The following CWC25 variants were observed in gnomAD, a reference collection of about 807,000 sequenced individuals.
The protein encoded by CWC25 is CWC25 spliceosome associated protein, also known as pre-mRNA-splicing factor CWC25 homolog.
A neutral mutation model predicts 54.6 loss-of-function variants in CWC25; 31 were observed. That is an observed-to-expected ratio of 0.57 (90% CI 0.43 to 0.77). CWC25 has a LOEUF of 0.77. Among genes scored for constraint, CWC25 ranks in the 30% least tolerant of loss-of-function variants. The probability of loss-of-function intolerance (pLI) is 0.00; values close to 1 mark genes in which losing one functional copy is unlikely to be tolerated. For missense variants in CWC25, 453 were observed against 529.3 expected, an observed-to-expected ratio of 0.86 and a Z score of 1.41; for synonymous variants, 151 against 187.0, an observed-to-expected ratio of 0.81 and a Z score of 1.57.
In CWC25 at chr17:38,809,868, TCCGCCTCC is replaced by T. The variant is rs1275968795; in HGVS notation, c.627-111_627-104del. ...TGCTTCTTGCCTCCAATGTGACCTT[TCCGCCTCC>T]CAGCAGTTACCTGGCAGTACGTTTC... On this transcript the variant is annotated intron_variant, in intron 5 of 9. Transcript: ENST00000614790. 4.8e-6 allele frequency: 5 copies of T among 1,050,346 alleles called. No homozygotes were observed. The East Asian group carries it at 1.1e-4, about 22-fold the overall frequency. The allele number at this position is 1,050,346 out of a possible 1,614,324, so 65.1% of individuals were successfully genotyped here.
Position 38,812,484 on chromosome 17 carries a change from G to A in CWC25, c.498+311C>T, listed in dbSNP as rs1199067988. Among the ~76,000 whole-genome samples the A allele has an allele frequency of 3.3e-5, 5 of 152,124 alleles. No individual in the cohort carries two copies. The East Asian group carries it at 5.8e-4, about 18-fold the overall frequency. Reference sequence around the variant, plus strand: ...CTCTACTAAAAATACAAAATTAGCCGGGCGTGGTGGCACATCCCTGTAATC... The same window carrying A: ...CTCTACTAAAAATACAAAATTAGCCAGGCGTGGTGGCACATCCCTGTAATC... On this transcript the variant is annotated intron_variant, in intron 4 of 9. Transcript: ENST00000614790.
chr17:38,806,362 G>A lies in CWC25; in HGVS notation c.936C>T (p.Gly312=), dbSNP rs369726771. 29 of 1,613,534 alleles carry A rather than the reference G, an allele frequency of 1.8e-5. No individual in the cohort carries two copies. The highest frequency in any genetic ancestry group is 3.4e-6 in the Non-Finnish European group (4 of 1,179,820). ...TTTTAGGTGATGGGCTCCTAGTTTGGCCTGTCTCTCTCCTGTTCACCTTAG... is the reference window on the plus strand; with the variant it reads ...TTTTAGGTGATGGGCTCCTAGTTTGACCTGTCTCTCTCCTGTTCACCTTAG... The part of the protein sequence containing the change: ...HNSKVNRRET[G]QTRSPSPKKE... Residue 312 remains glycine (G), a synonymous_variant, in exon 8 of 10, where the codon GGC becomes GGT. Transcript: ENST00000614790.
At chr17:38,802,890 G>T in intron 8 of CWC25, 29 bp from the exon 9 acceptor site, 2 of 1,611,794 alleles carry the variant, frequency 1.2e-6, no homozygotes, top group South Asian at 2.2e-5. Flanking sequence ...ATACGATCAG[G>T]TCTCTTCCAG....
intron 8 of CWC25, among the ~76,000 whole-genome samples, chr17:38,805,463 T>C (rs1165476226): frequency 6.6e-6 from 1 of 152,168 alleles, no homozygotes. Flanking sequence ...TACTAGCTTT[T>C]GTTTTTTTAA....
At chr17:38,824,474 G>A (rs928078671) in intron 1 of CWC25, among the ~76,000 whole-genome samples, 2 of 151,860 alleles carry the variant, frequency 1.3e-5, no homozygotes, top group Non-Finnish European at 2.9e-5. Context: ...ATCACTTGAG[G>A]TCGGCAGATC....
rs1319401500 is a variant in CWC25, at chr17:38,814,923, T to A, written c.366A>T (p.Ser122=). The change falls in exon 3 of 10, where the codon TCA becomes TCT. Residue 122 remains serine (S), a synonymous_variant. Coordinates refer to ENST00000614790, the MANE Select transcript of CWC25 (RefSeq NM_017748.5). ...GLLPGSIFAP[S]GANSLLDMAS... ...CCATGTCAAGAAGGGAATTGGCACC[T>A]GATGGGGCAAAGATAGAGCCTGGGA... The A allele has an allele frequency of 6.2e-7, 1 of 1,613,628 alleles. No individual in the cohort carries two copies. Among genetic ancestry groups the A allele is most frequent in the African/African-American group, 1.3e-5 (1 of 74,802 alleles).
intron 6 of CWC25, among the ~76,000 whole-genome samples, chr17:38,807,228 CAGG>C (rs1911285828): frequency 6.9e-6 from 1 of 143,920 alleles, no homozygotes; most frequent in Admixed American, 7.4e-5. Flanking sequence ...AAGGCTGAGG[CAGG>C]AGAATTGCTT....
rs959734040 is a variant in CWC25 at position 38,802,183 on chromosome 17, G to T, written c.1187C>A (p.Ser396Tyr). ...FIHRMKLESASTSSLEDRVKR... is the reference protein window; with the variant it reads ...FIHRMKLESAYTSSLEDRVKR... ...CACCCGATCCTCCAGGGAGGAAGTA[G>T]ATGCACTCTCCAGCTTCATGCGGCT... Residue 396 changes from serine (S) to tyrosine (Y), a missense_variant, in exon 10 of 10, where the codon TCT (serine) becomes TAT (tyrosine). Ser to Tyr is a moderately radical substitution (Grantham distance 144, BLOSUM62 -2). This residue lies in a region of CWC25 where 444 missense variants were observed against 499.2 expected (regional missense o/e 0.89). Transcript: ENST00000614790. The T allele has an allele frequency of 1.2e-6, 2 of 1,613,476 alleles. No individual in the cohort carries two copies. The highest frequency in any genetic ancestry group is 1.3e-5 in the African/African-American group (1 of 74,934).
chr17:38,804,530 G>A (rs1022169626), intron 8 of CWC25, among the ~76,000 whole-genome samples: 49 of 152,212 alleles, frequency 3.2e-4, no homozygotes, highest in African/African-American at 1.1e-3. Flanking sequence ...ATTAGGGCCA[G>A]GTGCTGTGGC....
chr17:38,806,233 G>T, intron 8 of CWC25, 64 bp downstream of exon 8: 1 of 1,364,412 alleles, frequency 7.3e-7, no homozygotes. Flanking sequence ...CATTTGCCAT[G>T]GTTTGAGCCC....
At chr17:38,805,352 T>C (rs1051818235) in intron 8 of CWC25, among the ~76,000 whole-genome samples, 1 of 152,168 alleles carries the variant, frequency 6.6e-6, no homozygotes, top group Admixed American at 6.6e-5. Context: ...CATATTTGTA[T>C]TTTTAGGAAT....
chr17:38,812,897 T>A (rs916130282), intron 3 of CWC25, 33 bp from the exon 4 acceptor site: 1 of 1,236,238 alleles, frequency 8.1e-7, no homozygotes, highest in East Asian at 2.5e-5. Context: ...TTCATGACTA[T>A]TTCTTTTCTC....
rs1227876518 is a variant in CWC25, at chr17:38,825,247, T to TAG, written c.-66_-65dup. ...ATTTCGGGAGGATCAAGAGAAAACG[T>TAG]AGAGAAATAGTTCGGGGGCTACCTC... On this transcript the variant is annotated 5_prime_UTR_variant, in exon 1 of 10. Coordinates refer to ENST00000614790, the MANE Select transcript of CWC25 (RefSeq NM_017748.5). 1.3e-6 allele frequency: 2 copies of TAG among 1,524,906 alleles called. No homozygotes were observed. The highest frequency in any genetic ancestry group is 1.8e-6 in the Non-Finnish European group (2 of 1,129,084). 94.5% of individuals were successfully genotyped at this position (1,524,906 alleles called of 1,614,324 possible). A position where few individuals can be genotyped will look rare whatever the true frequency, so the allele number is the denominator to read the frequency against.
intron 6 of CWC25, 21 bp from the exon 7 acceptor site, chr17:38,806,997 G>T (rs764426434): frequency 5.0e-6 from 8 of 1,587,834 alleles, no homozygotes; most frequent in African/African-American, 1.4e-5. Context: ...AAGGAAAAGA[G>T]AAGTTATTCA....
chr17:38,812,643 A>G (rs1045066897), intron 4 of CWC25, among the ~76,000 whole-genome samples, 152 bp downstream of exon 4: 2 of 152,008 alleles, frequency 1.3e-5, no homozygotes, highest in African/African-American at 4.8e-5. Context: ...CAAAAAAATG[A>G]TTACATAAAA....
At chr17:38,804,772 C>T (rs542794111) in intron 8 of CWC25, among the ~76,000 whole-genome samples, 13 of 134,150 alleles carry the variant, frequency 9.7e-5, no homozygotes, top group South Asian at 2.4e-4. Flanking sequence ...CGTGCCACTG[C>T]GCTGCAGCCT....
In CWC25 at chr17:38,825,227, G is replaced by A; in HGVS notation, c.-44C>T. 2 of 1,574,642 alleles carry A rather than the reference G, an allele frequency of 1.3e-6. No homozygotes were observed. Among genetic ancestry groups the A allele is most frequent in the Admixed American group, 1.9e-5 (1 of 53,046 alleles). On this transcript the variant is annotated 5_prime_UTR_variant, in exon 1 of 10. Transcript: ENST00000614790. ...TCACTACGCGGATCTGGAAGATTTC[G>A]GGAGGATCAAGAGAAAACGTAGAGA...
In CWC25 at chr17:38,802,735, T is replaced by C. The variant is rs1336902228; in HGVS notation, c.1128A>G (p.Leu376=). The change falls in exon 9 of 10, where the codon CTA becomes CTG. Residue 376 remains leucine, a synonymous_variant. Transcript: ENST00000614790. ...TCCCATCCCGGGAGTCCAGCTTCTC[T>C]AGCCTCTGCTCCCGTTCCTCATCCT... The part of the protein sequence containing the change: ...HAKDEEREQR[L]EKLDSRDGKF... The C allele has an allele frequency of 1.2e-6, 2 of 1,613,910 alleles. No individual in the cohort carries two copies. Among genetic ancestry groups the C allele is most frequent in the African/African-American group, 1.3e-5 (1 of 74,938 alleles).
At chr17:38,814,494 A>C (rs1188215532) in intron 3 of CWC25, among the ~76,000 whole-genome samples, 3 of 151,268 alleles carry the variant, frequency 2.0e-5, no homozygotes, top group African/African-American at 7.3e-5. Flanking sequence ...TAATCCCAGC[A>C]CTTTGGGAGG....
Sources: gnomAD v4.1 joint callset for allele counts (sites outside exome capture counted in the v4.1 genomes callset) on GRCh38, gnomAD v4.1.1 for gene constraint, gnomAD v4.1.1 regional missense constraint, MANE v1.5 for transcripts, NCBI Gene and HGNC (gene_info 2026-07-23, HGNC 2026-07-21) for gene names.